Variants in SARNP observed in about 807,000 individuals in gnomAD.
SARNP encodes SAP domain containing ribonucleoprotein, also known as SAP domain-containing ribonucleoprotein.
SARNP carries 5 observed loss-of-function variants against 38.1 expected under a neutral mutation model. The ratio of observed to expected loss-of-function variants is 0.13; its 90% CI spans 0.07 to 0.28. The LOEUF is 0.28. SARNP is among the 10% of genes least tolerant of loss of function. The pLI, the probability that SARNP is intolerant of heterozygous loss-of-function variation, is 1.00. For missense variants in SARNP, 180 were observed against 243.9 expected, an observed-to-expected ratio of 0.74 and a Z score of 1.75; for synonymous variants, 84 against 80.6, an observed-to-expected ratio of 1.04 and a Z score of -0.23.
chr12:55,757,353 T>C lies in SARNP; in HGVS notation c.*159A>G. 2.2e-6 allele frequency: 1 copy of C among 464,168 alleles called. No homozygotes were observed. The highest frequency in any genetic ancestry group is 3.8e-6 in the Non-Finnish European group (1 of 264,714). 28.8% of individuals were successfully genotyped at this position (464,168 alleles called of 1,614,324 possible). On this transcript the variant is annotated 3_prime_UTR_variant, in exon 11 of 11. Coordinates refer to ENST00000336133, the MANE Select transcript of SARNP (RefSeq NM_033082.4). ...ACCTTAAAGCTGAAACAGCAATAAGTCAAACTGCTGCCGCAGTTCATGGAT... is the reference window on the plus strand; with the variant it reads ...ACCTTAAAGCTGAAACAGCAATAAGCCAAACTGCTGCCGCAGTTCATGGAT...
chr12:55,779,390 A>T (rs2136188697), intron 9 of SARNP, among the ~76,000 whole-genome samples: 1 of 152,310 alleles, frequency 6.6e-6, no homozygotes, highest in South Asian at 2.1e-4. Context: ...TATGAGAAAG[A>T]GAAATGGAGA....
At position 55,788,374 on chromosome 12, in the gene SARNP, T is replaced by A. The variant is rs77610467; in HGVS notation, c.501+701A>T. On this transcript the variant is annotated intron_variant, in intron 9 of 10. Transcript: ENST00000336133. ...CAATCCTCCAAGTTTTATTTCTAAG[T>A]ACTTCTGACCTAAAGACAAGACTGT... 3.2e-3 allele frequency among the ~76,000 whole-genome samples: 483 copies of A among 152,350 alleles called. 2 individuals carry two copies. The highest frequency in any genetic ancestry group is 0.011 in the African/African-American group (446 of 41,590).
At chr12:55,812,770 A>G (rs1880365687) in intron 1 of SARNP, among the ~76,000 whole-genome samples, 1 of 152,212 alleles carries the variant, frequency 6.6e-6, no homozygotes, top group Admixed American at 6.5e-5. Flanking sequence ...ATTCATTCCC[A>G]TTCTTTTGAA....
chr12:55,800,495 A>T (rs1879945969), intron 4 of SARNP, 67 bp downstream of exon 4: 10 of 1,121,066 alleles, frequency 8.9e-6, no homozygotes, highest in African/African-American at 1.6e-5. Flanking sequence ...AAACAAAGTT[A>T]AACATTAAAT....
intron 9 of SARNP, among the ~76,000 whole-genome samples, chr12:55,785,980 AT>A (rs1313574871): frequency 6.6e-6 from 1 of 152,120 alleles, no homozygotes; most frequent in Non-Finnish European, 1.5e-5. Context: ...GTTGCTAGTT[AT>A]TGCTCTAAGT....
intron 9 of SARNP, among the ~76,000 whole-genome samples, chr12:55,767,032 T>C (rs1186752321): frequency 6.6e-6 from 1 of 152,144 alleles, no homozygotes; most frequent in Non-Finnish European, 1.5e-5. Context: ...ACTGAGCCCT[T>C]GAAAACAATA....
At chr12:55,765,668 T>C (rs1592556178) in intron 9 of SARNP, among the ~76,000 whole-genome samples, 2 of 152,102 alleles carry the variant, frequency 1.3e-5, no homozygotes, top group South Asian at 4.2e-4. Flanking sequence ...AACAAGATCT[T>C]TGGTGCCTCT....
chr12:55,758,657 A>C (rs1878586878), intron 10 of SARNP, among the ~76,000 whole-genome samples: 2 of 151,924 alleles, frequency 1.3e-5, no homozygotes, highest in Non-Finnish European at 1.5e-5. Context: ...AAAAAAAAAG[A>C]AGCTTTTCAT....
chr12:55,786,435 GGTTT>G (rs146930644), intron 9 of SARNP, among the ~76,000 whole-genome samples: 41,180 of 150,736 alleles, frequency 0.27, 6,149 homozygotes, highest in Middle Eastern at 0.37. Flanking sequence ...AGTGAGCTTT[GGTTT>G]GTTTGTTTGT....
chr12:55,811,705 C>T (rs1880333518), intron 1 of SARNP, among the ~76,000 whole-genome samples: 1 of 152,152 alleles, frequency 6.6e-6, no homozygotes, highest in Non-Finnish European at 1.5e-5. Context: ...TTCTTTCACT[C>T]TCTCCTCCTC....
At chr12:55,766,895 T>TAGTCTCTGCCTCCC (rs1349624709) in intron 9 of SARNP, among the ~76,000 whole-genome samples, 1 of 74,448 alleles carries the variant, frequency 1.3e-5, no homozygotes, top group Non-Finnish European at 2.7e-5. Context: ...CTCTGCCTCC[T>TAGTCTCTGCCTCCC]AGTCTCTGCC....
At chr12:55,768,496 C>T (rs1052301485) in intron 9 of SARNP, among the ~76,000 whole-genome samples, 1 of 151,864 alleles carries the variant, frequency 6.6e-6, no homozygotes, top group African/African-American at 2.4e-5. Context: ...GCGATCTCGG[C>T]TCACTGCAAC....
intron 1 of SARNP, among the ~76,000 whole-genome samples, chr12:55,811,248 A>G (rs1880319445): frequency 6.6e-6 from 1 of 152,016 alleles, no homozygotes; most frequent in Admixed American, 6.6e-5. Flanking sequence ...AAGAAATTCA[A>G]TAACTTGCTT....
intron 2 of SARNP, among the ~76,000 whole-genome samples, chr12:55,802,553 A>G (rs1172249994): frequency 6.6e-6 from 1 of 151,958 alleles, no homozygotes; most frequent in African/African-American, 2.4e-5. Context: ...GTATAAAACT[A>G]CTTTCAGATA....
At chr12:55,802,024 C>A (rs1879993600) in intron 2 of SARNP, among the ~76,000 whole-genome samples, 1 of 152,006 alleles carries the variant, frequency 6.6e-6, no homozygotes, top group South Asian at 2.1e-4. Flanking sequence ...GAAAAATGGG[C>A]AAAGAAGAAA....
chr12:55,785,132 T>A (rs569837118), intron 9 of SARNP, among the ~76,000 whole-genome samples: 13 of 152,292 alleles, frequency 8.5e-5, no homozygotes, highest in East Asian at 1.9e-4. Flanking sequence ...ATCAAAAAAA[T>A]TTTTAAACTA....
At chr12:55,812,083 C>T (rs945395094) in intron 1 of SARNP, among the ~76,000 whole-genome samples, 3 of 152,192 alleles carry the variant, frequency 2.0e-5, no homozygotes, top group Non-Finnish European at 4.4e-5. Context: ...AAGGCTGAAT[C>T]CTATCACCTA....
At chr12:55,783,641 T>C (rs1013598822) in intron 9 of SARNP, among the ~76,000 whole-genome samples, 3 of 152,154 alleles carry the variant, frequency 2.0e-5, no homozygotes, top group Non-Finnish European at 2.9e-5. Flanking sequence ...TAGTGCCTGA[T>C]ATGTGTATAG....
chr12:55,775,560 A>AC (rs1043561862), intron 9 of SARNP, among the ~76,000 whole-genome samples: 16 of 151,688 alleles, frequency 1.1e-4, no homozygotes, highest in African/African-American at 2.7e-4. Flanking sequence ...AAAAACAAAA[A>AC]AAAAAAACTA....
Sources: gnomAD v4.1 joint callset for allele counts (sites outside exome capture counted in the v4.1 genomes callset) on GRCh38, gnomAD v4.1.1 for gene constraint, MANE v1.5 for transcripts, NCBI Gene and HGNC (gene_info 2026-07-23, HGNC 2026-07-21) for gene names.